LARS1: variants seen among roughly 807,000 people sequenced by gnomAD.
LARS1 encodes the protein leucine--tRNA ligase, cytoplasmic.
A neutral mutation model predicts 162.8 loss-of-function variants in LARS1; 100 were observed. The observed-to-expected ratio is 0.61, with a 90% confidence interval of 0.52 to 0.73. The LOEUF (loss-of-function observed/expected upper bound fraction) is 0.73, where lower values mean the gene tolerates loss of function less well. Among genes scored for constraint, LARS1 ranks in the 30% least tolerant of loss-of-function variants. The pLI, the probability that LARS1 is intolerant of heterozygous loss-of-function variation, is 0.00. For missense variants in LARS1, 1,258 were observed against 1,408.9 expected (o/e 0.89, Z 1.71); for synonymous variants, 457 against 462.8 (o/e 0.99, Z 0.16).
intron 8 of LARS1, 35 bp from the exon 9 acceptor site, chr5:146,157,830 A>G: frequency 6.3e-7 from 1 of 1,599,310 alleles, no homozygotes; most frequent in Non-Finnish European, 8.6e-7. Flanking sequence ...TTTGAAGGAA[A>G]AAAAAGACTT....
intron 2 of LARS1, among the ~76,000 whole-genome samples, chr5:146,176,305 A>T (rs1754567838): frequency 6.6e-6 from 1 of 151,928 alleles, no homozygotes. Flanking sequence ...TACAAAAATT[A>T]GCTGGGCGTG....
intron 17 of LARS1, 35 bp downstream of exon 17, chr5:146,144,437 C>T: frequency 6.2e-7 from 1 of 1,603,224 alleles, no homozygotes; most frequent in South Asian, 1.1e-5. Flanking sequence ...TTTTTCATCT[C>T]CTTTTTCCTC....
In LARS1 at chr5:146,146,684, T is replaced by G. The variant is rs1341578636; in HGVS notation, c.1504-1975A>C. Among the ~76,000 whole-genome samples the G allele has an allele frequency of 2.3e-5, 3 of 131,686 alleles. No homozygotes were observed. In the South Asian group the frequency reaches 7.5e-4, roughly 33 times the overall value. 86.4% of individuals were successfully genotyped at this position (131,686 alleles called of 152,430 possible). ...TGTTGGTACACATTCCTAGCTATCT[T>G]CTCCCATCCAACTTCCAAAATGCTC... On this transcript the variant is annotated intron_variant, in intron 15 of 31. Coordinates refer to ENST00000394434, the MANE Select transcript of LARS1 (RefSeq NM_020117.11).
chr5:146,125,187 T>C (rs1485610708), intron 28 of LARS1, among the ~76,000 whole-genome samples: 2 of 152,076 alleles, frequency 1.3e-5, no homozygotes, highest in African/African-American at 4.8e-5. Context: ...CCAATGACAC[T>C]AGCCACTGGG....
chr5:146,174,503 TATATATATATATATATCC>T (rs1561498000), intron 2 of LARS1, among the ~76,000 whole-genome samples: 18 of 12,536 alleles, frequency 1.4e-3, no homozygotes, highest in African/African-American at 7.9e-3. Context: ...TATATATCCA[TATATATATATATATATCC>T]ATATATATAT....
At chr5:146,120,552 G>C in intron 30 of LARS1, 49 bp from the exon 31 acceptor site, 2 of 1,567,082 alleles carry the variant, frequency 1.3e-6, no homozygotes, top group South Asian at 1.2e-5. Flanking sequence ...ACTGCTGAGG[G>C]AGGAGGAATC....
intron 24 of LARS1, 37 bp downstream of exon 24, chr5:146,130,982 A>G: frequency 8.7e-7 from 1 of 1,146,186 alleles, no homozygotes; most frequent in South Asian, 1.4e-5. Context: ...GTTCACATTG[A>G]CATGTTTTAT....
chr5:146,143,956 C>T (rs1312791406), intron 18 of LARS1, among the ~76,000 whole-genome samples: 1 of 152,000 alleles, frequency 6.6e-6, no homozygotes, highest in African/African-American at 2.4e-5. Context: ...GAGCTGAGAT[C>T]GCACCACTGC....
intron 5 of LARS1, among the ~76,000 whole-genome samples, chr5:146,167,820 C>T (rs1464312672): frequency 2.0e-5 from 3 of 150,542 alleles, no homozygotes; most frequent in South Asian, 2.1e-4. Context: ...TGAGCCACCG[C>T]GCCCGGCCTA....
chr5:146,120,282 C>G, intron 31 of LARS1, 89 bp downstream of exon 31: 1 of 1,380,720 alleles, frequency 7.2e-7, no homozygotes, highest in South Asian at 1.2e-5. Context: ...TGTCCATAAG[C>G]AAGCCGGTTT....
chr5:146,152,130 A>C (rs1013640487), intron 13 of LARS1, 128 bp from the exon 14 acceptor site: 8 of 958,778 alleles, frequency 8.3e-6, no homozygotes, highest in Non-Finnish European at 1.3e-5. Flanking sequence ...CGACACTGCC[A>C]CACATTAAGT....
chr5:146,153,605 A>C, intron 12 of LARS1, 129 bp downstream of exon 12: 1 of 688,814 alleles, frequency 1.5e-6, no homozygotes, highest in South Asian at 1.9e-5. Context: ...TAACATCAAG[A>C]AACAAGTTAG....
intron 4 of LARS1, among the ~76,000 whole-genome samples, chr5:146,171,039 T>C (rs1433649073): frequency 6.6e-6 from 1 of 151,908 alleles, no homozygotes; most frequent in Admixed American, 6.6e-5. Flanking sequence ...ACTTTTTCTG[T>C]AGGATTGACA....
In LARS1 at chr5:146,159,032, C is replaced by T. The variant is rs539975193; in HGVS notation, c.771+375G>A. Among the ~76,000 whole-genome samples, 3 of 151,646 alleles carry T rather than the reference C, an allele frequency of 2.0e-5. No individual in the cohort carries two copies. The South Asian group carries it at 6.2e-4, about 32-fold the overall frequency. ...AATGGCGTGAACCCAGGAGGCAGAG[C>T]TTGCAGTGAGCCGAGATAGCACCAC... On this transcript the variant is annotated intron_variant, in intron 8 of 31. Transcript: ENST00000394434.
intron 20 of LARS1, among the ~76,000 whole-genome samples, chr5:146,140,876 T>TAC (rs1034180142): frequency 6.6e-6 from 1 of 151,924 alleles, no homozygotes. Context: ...CACATATATA[T>TAC]ACACACACAC....
chr5:146,114,842 G>C (rs1236885618), intron 31 of LARS1, among the ~76,000 whole-genome samples: 1 of 151,286 alleles, frequency 6.6e-6, no homozygotes, highest in Non-Finnish European at 1.5e-5. Flanking sequence ...TCCGGAGATC[G>C]AGACCATCCT....
intron 22 of LARS1, 64 bp from the exon 23 acceptor site, chr5:146,133,145 A>G: frequency 1.4e-6 from 2 of 1,423,370 alleles, no homozygotes; most frequent in Non-Finnish European, 2.0e-6. Flanking sequence ...ACTGTGTCCT[A>G]TGTGTCCAGT....
intron 21 of LARS1, chr5:146,139,533 T>G (rs1752667843): frequency 6.6e-6 from 1 of 152,040 alleles, no homozygotes; most frequent in Non-Finnish European, 1.5e-5. Flanking sequence ...TCCCTATCTC[T>G]CTCTTCAATT....
At chr5:146,178,478 G>A (rs1754694769) in intron 1 of LARS1, among the ~76,000 whole-genome samples, 1 of 151,962 alleles carries the variant, frequency 6.6e-6, no homozygotes, top group African/African-American at 2.4e-5. Context: ...GCTAGGCAAG[G>A]TGGCACGCAT....
Sources: allele counts gnomAD v4.1 joint callset (sites outside exome capture counted in the v4.1 genomes callset), GRCh38; gene constraint gnomAD v4.1.1; transcripts MANE v1.5; gene names NCBI Gene and HGNC (gene_info 2026-07-23, HGNC 2026-07-21).